SLC24A3: variants seen among roughly 807,000 people sequenced by gnomAD.
SLC24A3 encodes the protein sodium/potassium/calcium exchanger 3.
In SLC24A3, 28 loss-of-function variants were observed where a neutral mutation model predicts 75.8. That is an observed-to-expected ratio of 0.37 (90% CI 0.27 to 0.51). SLC24A3 has a LOEUF of 0.51. Among genes scored for constraint, SLC24A3 ranks in the 20% least tolerant of loss-of-function variants. The pLI, the probability that SLC24A3 is intolerant of heterozygous loss-of-function variation, is 0.94. For missense variants in SLC24A3, 663 were observed against 847.8 expected (o/e 0.78, Z 2.71); for synonymous variants, 372 against 334.1 (o/e 1.11, Z -1.24).
At chr20:19,378,263 G>C (rs1986120836) in intron 2 of SLC24A3, among the ~76,000 whole-genome samples, 1 of 151,864 alleles carries the variant, frequency 6.6e-6, no homozygotes, top group Non-Finnish European at 1.5e-5. Flanking sequence ...ACAGTGCACA[G>C]AGCTTGGCCT....
intron 6 of SLC24A3, among the ~76,000 whole-genome samples, chr20:19,624,587 T>C (rs79842813): frequency 0.048 from 7,348 of 152,238 alleles, 606 homozygotes; most frequent in African/African-American, 0.17. Context: ...CCTCCTAATT[T>C]TAGGCTCAGA....
intron 7 of SLC24A3, among the ~76,000 whole-genome samples, chr20:19,660,330 G>T (rs2424242): frequency 0.43 from 63,282 of 145,724 alleles, 15,360 homozygotes; most frequent in African/African-American, 0.68. Flanking sequence ...ATGCCACCAC[G>T]CTGTATGCCT....
chr20:19,566,078 A>G (rs1270134288), intron 3 of SLC24A3, among the ~76,000 whole-genome samples: 3 of 152,224 alleles, frequency 2.0e-5, no homozygotes, highest in Non-Finnish European at 4.4e-5. Context: ...AAGGAGTACC[A>G]GGTACTGCTC....
At chr20:19,662,938 G>A (rs748405752) in intron 7 of SLC24A3, among the ~76,000 whole-genome samples, 68 of 152,262 alleles carry the variant, frequency 4.5e-4, no homozygotes, top group Admixed American at 3.4e-3. Context: ...TGCAAACAGC[G>A]CCAGTCCTAA....
At chr20:19,712,321 G>C (rs2033001180) in intron 15 of SLC24A3, among the ~76,000 whole-genome samples, 1 of 151,986 alleles carries the variant, frequency 6.6e-6, no homozygotes, top group South Asian at 2.1e-4. Flanking sequence ...GTGCTAGAGT[G>C]AGGAAAAACT....
At chr20:19,430,725 C>T (rs1160465565) in intron 2 of SLC24A3, among the ~76,000 whole-genome samples, 1 of 152,102 alleles carries the variant, frequency 6.6e-6, no homozygotes, top group East Asian at 1.9e-4. Context: ...CACATGCATA[C>T]AGGCCCATGC....
intron 2 of SLC24A3, among the ~76,000 whole-genome samples, chr20:19,391,383 A>G (rs752245694): frequency 4.5e-4 from 69 of 152,250 alleles, no homozygotes; most frequent in Middle Eastern, 6.8e-3. Flanking sequence ...TGAGGAATGT[A>G]GAGGAGTTTC....
At chr20:19,403,749 G>C (rs983100485) in intron 2 of SLC24A3, among the ~76,000 whole-genome samples, 2 of 152,140 alleles carry the variant, frequency 1.3e-5, no homozygotes, top group Admixed American at 6.5e-5. Flanking sequence ...ATGCGGACTG[G>C]CCCTGGGGAA....
intron 2 of SLC24A3, among the ~76,000 whole-genome samples, chr20:19,462,574 G>A (rs537499508): frequency 1.9e-4 from 29 of 152,316 alleles, no homozygotes; most frequent in Middle Eastern, 3.4e-3. Context: ...CTGAGTCCCC[G>A]CTGGGATGAG....
chr20:19,428,858 A>G (rs928845428), intron 2 of SLC24A3, among the ~76,000 whole-genome samples: 2 of 152,208 alleles, frequency 1.3e-5, no homozygotes, highest in African/African-American at 4.8e-5. Context: ...AATGCAGTCT[A>G]CAAACATAAA....
chr20:19,307,599 T>C (rs1012467635), intron 2 of SLC24A3, among the ~76,000 whole-genome samples: 1 of 151,700 alleles, frequency 6.6e-6, no homozygotes, highest in Non-Finnish European at 1.5e-5. Context: ...CCGGGGCCTG[T>C]TGGGGGGTGG....
chr20:19,253,857 C>A (rs1212874522), intron 1 of SLC24A3, among the ~76,000 whole-genome samples: 2 of 152,202 alleles, frequency 1.3e-5, no homozygotes, highest in Non-Finnish European at 2.9e-5. Context: ...GCCTGATGAG[C>A]CAGGCCACAC....
At chr20:19,688,565 G>A (rs1369234391) in intron 12 of SLC24A3, among the ~76,000 whole-genome samples, 2 of 152,242 alleles carry the variant, frequency 1.3e-5, no homozygotes, top group African/African-American at 2.4e-5. Context: ...TGAGAAGCCA[G>A]GGAGTCAGTT....
In SLC24A3 at chr20:19,265,120, C is replaced by T. The variant is rs552732173; in HGVS notation, c.143-15839C>T. The stretch of plus-strand genomic sequence containing the variant: ...TGCAACGTAAAGCATTACTGCACTA[C>T]TACAATGACATCTGAGGCTTTTGTT... On this transcript the variant is annotated intron_variant, in intron 1 of 16. Transcript: ENST00000328041. Among the ~76,000 whole-genome samples, 17 of 152,336 alleles carry T rather than the reference C, an allele frequency of 1.1e-4. No individual in the cohort carries two copies. The South Asian group carries it at 3.5e-3, about 32-fold the overall frequency.
rs574064744 is a variant in SLC24A3 at position 19,295,469 on chromosome 20, A to G, written c.271+14382A>G. Among the ~76,000 whole-genome samples the G allele has an allele frequency of 7.8e-4, 119 of 152,322 alleles. 1 individual carries two copies. Among genetic ancestry groups the G allele is most frequent in the African/African-American group, 2.8e-3 (116 of 41,580 alleles). On this transcript the variant is annotated intron_variant, in intron 2 of 16. Coordinates refer to ENST00000328041, the MANE Select transcript of SLC24A3 (RefSeq NM_020689.4). ...GAATGCTTCCAGCTTTTGCCCATTC[A>G]GTATGATATTGGCTGTGGGTTTGTC...
chr20:19,459,900 A>G (rs1192646796), intron 2 of SLC24A3, among the ~76,000 whole-genome samples: 1 of 152,140 alleles, frequency 6.6e-6, no homozygotes, highest in Non-Finnish European at 1.5e-5. Context: ...TCAAATATCA[A>G]TTGTGCCGCT....
intron 2 of SLC24A3, among the ~76,000 whole-genome samples, chr20:19,502,150 G>T (rs1988394003): frequency 6.6e-6 from 1 of 152,104 alleles, no homozygotes; most frequent in Non-Finnish European, 1.5e-5. Flanking sequence ...GTAGCATATG[G>T]GGGATAGAGC....
intron 2 of SLC24A3, among the ~76,000 whole-genome samples, chr20:19,297,145 G>A (rs1423809581): frequency 6.6e-6 from 1 of 152,118 alleles, no homozygotes; most frequent in Non-Finnish European, 1.5e-5. Context: ...CCCCAACCCT[G>A]TGGCCATCCA....
At chr20:19,630,793 T>C (rs1385173873) in intron 6 of SLC24A3, among the ~76,000 whole-genome samples, 3 of 152,224 alleles carry the variant, frequency 2.0e-5, no homozygotes, top group Non-Finnish European at 2.9e-5. Context: ...GGACTGACTT[T>C]GTACCTAGAG....
Sources: gnomAD v4.1 joint callset for allele counts (sites outside exome capture counted in the v4.1 genomes callset) on GRCh38, gnomAD v4.1.1 for gene constraint, MANE v1.5 for transcripts, NCBI Gene and HGNC (gene_info 2026-07-23, HGNC 2026-07-21) for gene names.